Variants in NRG1 observed in about 807,000 individuals in gnomAD.
NRG1 encodes pro-neuregulin-1, membrane-bound isoform.
Under a neutral mutation model 63.8 loss-of-function variants are expected in NRG1, and 18 were observed. The ratio of observed to expected loss-of-function variants is 0.28; its 90% confidence interval spans 0.19 to 0.42. The LOEUF is 0.42. NRG1 is among the 10% of genes least tolerant of loss of function. The pLI, the probability that NRG1 is intolerant of heterozygous loss-of-function variation, is 1.00. For synonymous variants in NRG1, 302 were observed against 301.3 expected, an observed-to-expected ratio of 1.00 and a Z score of -0.02; for missense variants, 762 against 814.7, an observed-to-expected ratio of 0.94 and a Z score of 0.79.
chr8:32,599,567 G>T (rs1209265584), intron 2 of NRG1, among the ~76,000 whole-genome samples: 1 of 152,232 alleles, frequency 6.6e-6, no homozygotes, highest in East Asian at 1.9e-4. Context: ...TTGAGCCTTT[G>T]TTTATTTGGC....
intron 1 of NRG1, among the ~76,000 whole-genome samples, chr8:32,451,258 A>G (rs1820907843): frequency 6.6e-6 from 1 of 152,212 alleles, no homozygotes; most frequent in African/African-American, 2.4e-5. Flanking sequence ...TGATTGCTTG[A>G]TAACATGATT....
intron 1 of NRG1, among the ~76,000 whole-genome samples, chr8:32,238,843 C>T (rs1184485585): frequency 6.6e-6 from 1 of 152,142 alleles, no homozygotes; most frequent in South Asian, 2.1e-4. Flanking sequence ...ACAGAAATCA[C>T]TGAACTTGGC....
chr8:31,896,424 T>C (rs928667862), intron 1 of NRG1, among the ~76,000 whole-genome samples: 11 of 152,192 alleles, frequency 7.2e-5, no homozygotes, highest in African/African-American at 2.7e-4. Flanking sequence ...ACCATTCTCA[T>C]CCATGTTTCT....
At chr8:32,169,452 A>G (rs945051958) in intron 1 of NRG1, among the ~76,000 whole-genome samples, 3 of 152,202 alleles carry the variant, frequency 2.0e-5, no homozygotes, top group Non-Finnish European at 2.9e-5. Context: ...AGCTGACCAA[A>G]AGAAAATAAG....
chr8:32,058,159 G>T (rs1253943623), intron 1 of NRG1, among the ~76,000 whole-genome samples: 1 of 152,020 alleles, frequency 6.6e-6, no homozygotes, highest in Admixed American at 6.6e-5. Flanking sequence ...AAAGGACACA[G>T]TGAAGGACCA....
intron 1 of NRG1, among the ~76,000 whole-genome samples, chr8:32,349,746 G>GT (rs1398404641): frequency 3.3e-5 from 5 of 152,144 alleles, no homozygotes; most frequent in Non-Finnish European, 5.9e-5. Context: ...AAAATTAGTG[G>GT]TGTTTTCTGA....
At chr8:31,917,393 G>A (rs1443039579) in intron 1 of NRG1, among the ~76,000 whole-genome samples, 1 of 150,542 alleles carries the variant, frequency 6.6e-6, no homozygotes, top group African/African-American at 2.5e-5. Flanking sequence ...TAAGGTGTAA[G>A]GAAGGGATCC....
intron 5 of NRG1, among the ~76,000 whole-genome samples, chr8:32,725,743 G>C (rs912291098): frequency 6.6e-6 from 1 of 151,590 alleles, no homozygotes; most frequent in Non-Finnish European, 1.5e-5. Flanking sequence ...CAAAGTGCTG[G>C]GATTACAGGC....
Position 32,633,266 on chromosome 8 carries a change from G to C in NRG1, c.502+16381G>C, listed in dbSNP as rs1244107781. Among the ~76,000 whole-genome samples the C allele has an allele frequency of 2.0e-5, 3 of 151,864 alleles. No individual in the cohort carries two copies. The East Asian group carries it at 5.8e-4, about 29-fold the overall frequency. ...TCTACCAAAAACAATCAAGACAACA[G>C]CTTTAAAAAAATGCAATCATTAAAT... is the stretch of plus-strand genomic sequence containing the variant. On this transcript the variant is annotated intron_variant, in intron 5 of 11. Transcript: ENST00000356819.
intron 1 of NRG1, among the ~76,000 whole-genome samples, chr8:32,465,331 A>G (rs1028517185): frequency 3.3e-5 from 5 of 152,250 alleles, no homozygotes; most frequent in African/African-American, 1.2e-4. Context: ...CCATCACCAT[A>G]TCATAAACGT....
intron 1 of NRG1, among the ~76,000 whole-genome samples, chr8:32,516,092 A>C (rs578201983): frequency 1.3e-5 from 2 of 152,158 alleles, no homozygotes; most frequent in African/African-American, 4.8e-5. Flanking sequence ...GTATATGGTG[A>C]AAGGCAGCAG....
chr8:32,667,153 C>A (rs190471508), intron 5 of NRG1, among the ~76,000 whole-genome samples: 1 of 152,258 alleles, frequency 6.6e-6, no homozygotes, highest in Non-Finnish European at 1.5e-5. Flanking sequence ...ACAAACTGTG[C>A]AAGTATGTTA....
intron 1 of NRG1, among the ~76,000 whole-genome samples, chr8:32,530,208 T>C (rs1044138005): frequency 4.6e-5 from 7 of 151,950 alleles, no homozygotes; most frequent in African/African-American, 1.4e-4. Flanking sequence ...CCCGGGTTCA[T>C]GCCATTCTCC....
intron 1 of NRG1, among the ~76,000 whole-genome samples, chr8:32,073,100 T>G (rs1016623509): frequency 1.2e-4 from 19 of 152,214 alleles, no homozygotes; most frequent in African/African-American, 4.1e-4. Flanking sequence ...CTGGCCTCTA[T>G]CTCTGAAGAT....
At chr8:31,814,007 A>C (rs972706479) in intron 1 of NRG1, among the ~76,000 whole-genome samples, 3 of 152,184 alleles carry the variant, frequency 2.0e-5, no homozygotes, top group Non-Finnish European at 4.4e-5. Flanking sequence ...GAGCTTGCAC[A>C]CAAACTTTGA....
intron 5 of NRG1, among the ~76,000 whole-genome samples, chr8:32,696,095 A>C (rs1481348960): frequency 6.6e-6 from 1 of 152,194 alleles, no homozygotes; most frequent in Admixed American, 6.5e-5. Flanking sequence ...GGAAATGAAG[A>C]TGGTTTTCCA....
At chr8:32,689,803 G>A (rs1421658223) in intron 5 of NRG1, among the ~76,000 whole-genome samples, 1 of 152,086 alleles carries the variant, frequency 6.6e-6, no homozygotes, top group East Asian at 1.9e-4. Context: ...ATAGCTCATG[G>A]CTTGAGTATG....
intron 1 of NRG1, among the ~76,000 whole-genome samples, chr8:32,240,596 T>C (rs1848002695): frequency 1.3e-5 from 2 of 152,100 alleles, no homozygotes; most frequent in Admixed American, 1.3e-4. Flanking sequence ...CTTATTTTGG[T>C]GGATTCCGTA....
chr8:31,669,850 C>T (rs1390949771), intron 1 of NRG1, among the ~76,000 whole-genome samples: 1 of 152,012 alleles, frequency 6.6e-6, no homozygotes. Context: ...TGTGTGTGCA[C>T]CTGTGTTTTG....
Sources: allele counts gnomAD v4.1 joint callset (sites outside exome capture counted in the v4.1 genomes callset), GRCh38; gene constraint gnomAD v4.1.1; transcripts MANE v1.5; gene names NCBI Gene and HGNC (gene_info 2026-07-23, HGNC 2026-07-21).